The following GALNTL6 variants were observed in gnomAD, a reference collection of about 807,000 sequenced individuals.
GALNTL6 encodes polypeptide N-acetylgalactosaminyltransferase-like 6.
In GALNTL6, 46 loss-of-function variants were observed where a neutral mutation model predicts 73.7. The ratio of observed to expected loss-of-function variants is 0.62; its 90% CI spans 0.49 to 0.80. The LOEUF is 0.80. Among genes scored for constraint, GALNTL6 ranks in the 30% least tolerant of loss-of-function variants. The probability of loss-of-function intolerance (pLI) is 0.00; values close to 1 mark genes in which losing one functional copy is unlikely to be tolerated. For synonymous variants in GALNTL6, 259 were observed against 263.7 expected, an observed-to-expected ratio of 0.98 and a Z score of 0.17; for missense variants, 604 against 755.0, an observed-to-expected ratio of 0.80 and a Z score of 2.34.
chr4:172,140,827 ATTTG>A (rs1422419777), intron 2 of GALNTL6, among the ~76,000 whole-genome samples: 7 of 152,050 alleles, frequency 4.6e-5, no homozygotes, highest in Admixed American at 2.6e-4. Context: ...GGCAAGGGAA[ATTTG>A]TTTGTTTTCT....
chr4:172,877,514 A>G (rs1745250852), intron 7 of GALNTL6, among the ~76,000 whole-genome samples: 1 of 152,002 alleles, frequency 6.6e-6, no homozygotes, highest in Non-Finnish European at 1.5e-5. Context: ...CCTGATACCA[A>G]ATAAAGAATG....
chr4:172,527,300 T>A (rs565045715), intron 5 of GALNTL6, among the ~76,000 whole-genome samples: 24 of 152,330 alleles, frequency 1.6e-4, no homozygotes, highest in African/African-American at 5.3e-4. Context: ...TCTGATGGAA[T>A]GGCTGATTGT....
At chr4:172,758,662 A>T (rs527504340) in intron 5 of GALNTL6, among the ~76,000 whole-genome samples, 50 of 152,344 alleles carry the variant, frequency 3.3e-4, no homozygotes, top group African/African-American at 1.0e-3. Context: ...ATTAAATGGG[A>T]TATTCCAGAA....
At chr4:172,181,175 T>C (rs935199188) in intron 2 of GALNTL6, among the ~76,000 whole-genome samples, 1 of 152,074 alleles carries the variant, frequency 6.6e-6, no homozygotes, top group Non-Finnish European at 1.5e-5. Flanking sequence ...AGAAAGAAAA[T>C]TTCAGGCCAA....
chr4:172,774,506 T>G (rs1241236804), intron 5 of GALNTL6, among the ~76,000 whole-genome samples: 1 of 152,232 alleles, frequency 6.6e-6, no homozygotes, highest in East Asian at 1.9e-4. Context: ...GAAGTTTATC[T>G]CTTATGAAGG....
chr4:172,814,473 A>G (rs1270783325), intron 7 of GALNTL6, among the ~76,000 whole-genome samples: 2 of 152,202 alleles, frequency 1.3e-5, no homozygotes, highest in East Asian at 3.8e-4. Flanking sequence ...CAGTTAGCCC[A>G]GAGATTATCC....
At chr4:172,296,447 G>C (rs557349484) in intron 3 of GALNTL6, among the ~76,000 whole-genome samples, 2 of 152,016 alleles carry the variant, frequency 1.3e-5, no homozygotes, top group Non-Finnish European at 2.9e-5. Context: ...TGTGGGAGTT[G>C]GTGTGCTGCA....
At chr4:172,854,822 C>T (rs773274069) in intron 7 of GALNTL6, among the ~76,000 whole-genome samples, 8 of 152,240 alleles carry the variant, frequency 5.3e-5, no homozygotes, top group Admixed American at 2.0e-4. Flanking sequence ...CGCAACTAGA[C>T]GGTAAACTCT....
intron 2 of GALNTL6, among the ~76,000 whole-genome samples, chr4:171,947,343 T>C (rs1738734088): frequency 1.3e-5 from 2 of 152,086 alleles, no homozygotes; most frequent in Non-Finnish European, 1.5e-5. Flanking sequence ...ACAGAAAATA[T>C]GAATTATAGG....
At chr4:172,672,398 G>T (rs1012054877) in intron 5 of GALNTL6, among the ~76,000 whole-genome samples, 1 of 152,206 alleles carries the variant, frequency 6.6e-6, no homozygotes, top group African/African-American at 2.4e-5. Context: ...TAGATAACCT[G>T]CTGGATTCAG....
chr4:172,694,206 C>T (rs1733521207), intron 5 of GALNTL6, among the ~76,000 whole-genome samples: 1 of 151,632 alleles, frequency 6.6e-6, no homozygotes, highest in East Asian at 1.9e-4. Context: ...ATACATGTGC[C>T]GTGGTGTTTT....
chr4:172,174,199 G>A (rs745811861), intron 2 of GALNTL6, among the ~76,000 whole-genome samples: 1 of 152,176 alleles, frequency 6.6e-6, no homozygotes, highest in Non-Finnish European at 1.5e-5. Flanking sequence ...ATGGAGAAAA[G>A]TGGACGGATC....
intron 5 of GALNTL6, among the ~76,000 whole-genome samples, chr4:172,696,720 A>G (rs778641689): frequency 1.3e-5 from 2 of 152,196 alleles, no homozygotes; most frequent in African/African-American, 2.4e-5. Flanking sequence ...ACCATGTGGA[A>G]CTGTGAGTCC....
intron 5 of GALNTL6, among the ~76,000 whole-genome samples, chr4:172,474,089 G>A (rs757666667): frequency 4.2e-4 from 64 of 152,098 alleles, no homozygotes; most frequent in Non-Finnish European, 6.9e-4. Flanking sequence ...AAGCCTACTC[G>A]TTGTTCCTTG....
At chr4:172,307,717 G>T (rs887575981) in intron 3 of GALNTL6, among the ~76,000 whole-genome samples, 2 of 152,048 alleles carry the variant, frequency 1.3e-5, no homozygotes, top group Non-Finnish European at 2.9e-5. Flanking sequence ...TGGTGTACAT[G>T]CCTGTTTTTA....
intron 4 of GALNTL6, among the ~76,000 whole-genome samples, chr4:172,321,393 A>G (rs998968624): frequency 6.6e-6 from 1 of 152,244 alleles, no homozygotes; most frequent in African/African-American, 2.4e-5. Context: ...ACAAAAACTT[A>G]TAAGCCATGC....
chr4:172,797,110 C>A (rs963420655), intron 5 of GALNTL6, among the ~76,000 whole-genome samples: 2 of 152,078 alleles, frequency 1.3e-5, no homozygotes, highest in South Asian at 4.2e-4. Context: ...AAAAATAATA[C>A]GGCCATTAGC....
chr4:171,926,624 A>G (rs887706921), intron 2 of GALNTL6, among the ~76,000 whole-genome samples: 9 of 152,106 alleles, frequency 5.9e-5, no homozygotes, highest in African/African-American at 9.6e-5. Flanking sequence ...TTGTTATTTA[A>G]AAAACTTACA....
At chr4:172,793,584 G>T (rs981836668) in intron 5 of GALNTL6, among the ~76,000 whole-genome samples, 9 of 152,136 alleles carry the variant, frequency 5.9e-5, no homozygotes, top group Non-Finnish European at 1.2e-4. Context: ...GCAGCTCAAG[G>T]AGATGCAGCC....
Sources: allele counts gnomAD v4.1 joint callset (sites outside exome capture counted in the v4.1 genomes callset), GRCh38; gene constraint gnomAD v4.1.1; transcripts MANE v1.5; gene names NCBI Gene and HGNC (gene_info 2026-07-23, HGNC 2026-07-21).